The following FMR1 variants were observed in gnomAD, a reference collection of about 807,000 sequenced individuals.
FMR1 encodes the protein fragile X messenger ribonucleoprotein 1.
In FMR1, 13 loss-of-function variants were observed where a neutral mutation model predicts 50.6. The ratio of observed to expected loss-of-function variants is 0.26; its 90% CI spans 0.17 to 0.41. The LOEUF is 0.41. Ranked by LOEUF, FMR1 falls within the 10% of genes least tolerant of loss-of-function variation. The pLI is 1.00. For missense variants in FMR1, 316 were observed against 491.3 expected (o/e 0.64, Z 3.37); for synonymous variants, 138 against 164.1 (o/e 0.84, Z 1.22).
At position 147,945,500 on chromosome X, in the gene FMR1, G is replaced by A. The variant is rs781964867; in HGVS notation, c.1655-34G>A. ...ACTTCCAGTAAGCATTTCAGAATCA[G>A]TAACTGTTGAACCTTTTGAAAATAT... On this transcript the variant is annotated intron_variant, in intron 15 of 16. Coordinates refer to ENST00000370475, the MANE Select transcript of FMR1 (RefSeq NM_002024.6). The A allele has an allele frequency of 5.5e-6, 6 of 1,088,320 alleles. No homozygotes were observed. In the South Asian group the frequency reaches 1.1e-4, roughly 20 times the overall value. 89.7% of individuals were successfully genotyped at this position (1,088,320 alleles called of 1,213,427 possible).
intron 2 of FMR1, among the ~76,000 whole-genome samples, chrX:147,922,203 C>T (rs781849017): frequency 4.5e-5 from 5 of 111,611 alleles, no homozygotes; most frequent in Non-Finnish European, 9.4e-5. Context: ...GGTATTGATC[C>T]TTACGTCTTA....
chrX:147,944,153 C>T, intron 14 of FMR1: 10 of 754,251 alleles, frequency 1.3e-5, no homozygotes, highest in Non-Finnish European at 1.6e-5. Flanking sequence ...CCTCTCCCAA[C>T]AGTCTGTTCT....
chrX:147,929,474 A>G (rs1313815729), intron 5 of FMR1, among the ~76,000 whole-genome samples: 2 of 109,900 alleles, frequency 1.8e-5, no homozygotes, highest in Non-Finnish European at 3.8e-5. Flanking sequence ...ATCGTTTAGC[A>G]GTTTCTTACC....
At chrX:147,944,602 G>T in intron 14 of FMR1, 1 of 986,337 alleles carries the variant, frequency 1.0e-6, no homozygotes, top group Non-Finnish European at 1.3e-6. Context: ...GCACATCAAG[G>T]TTTGAACTTA....
Position 147,944,226 on chromosome X carries a change from G to A in FMR1, c.1472-643G>A, listed in dbSNP as rs375475058. The A allele has an allele frequency of 8.0e-6, 6 of 751,042 alleles. No homozygotes were observed. The South Asian group carries it at 2.0e-4, about 25-fold the overall frequency. The allele number at this position is 751,042 out of a possible 1,213,427, so 61.9% of individuals were successfully genotyped here. ...TTTCTCCGCTCCTGTCCTCTAAGTC[G>A]TTAACCCCTTCAGGCATAATGAATT... On this transcript the variant is annotated intron_variant, in intron 14 of 16. Coordinates refer to ENST00000370475, the MANE Select transcript of FMR1 (RefSeq NM_002024.6).
intron 1 of FMR1, among the ~76,000 whole-genome samples, chrX:147,919,717 C>T (rs2043062859): frequency 8.9e-6 from 1 of 111,987 alleles, no homozygotes; most frequent in Admixed American, 9.4e-5. Context: ...TTTAGCGTAG[C>T]TTTACTTTTA....
Position 147,930,017 on chromosome X carries a change from A to C in FMR1, c.489A>C (p.Pro163=). 1.7e-6 allele frequency: 2 copies of C among 1,205,941 alleles called. No homozygotes were observed. Among genetic ancestry groups the C allele is most frequent in the Non-Finnish European group, 1.1e-6 (1 of 890,194 alleles). ...GTGCCTTTTCTGTAACTTATGATCC[A>C]GAAAATTATCAGCTTGTCATTTTGG... The part of the protein sequence containing the change: ...AVGAFSVTYD[P]ENYQLVILSI... Residue 163 remains proline, a synonymous_variant, in exon 6 of 17, where the codon CCA becomes CCC. Transcript: ENST00000370475.
At chrX:147,947,568 G>C (rs1353954748) in intron 16 of FMR1, 1 of 109,882 alleles carries the variant, frequency 9.1e-6, no homozygotes, top group Non-Finnish European at 1.9e-5. Flanking sequence ...AAATTAGCCG[G>C]GCATGGTGGC....
chrX:147,942,516 G>A (rs1007410822), intron 13 of FMR1, among the ~76,000 whole-genome samples: 1 of 112,379 alleles, frequency 8.9e-6, no homozygotes, highest in Non-Finnish European at 1.9e-5. Flanking sequence ...GTAAGACCTA[G>A]CTGTCTGGTC....
At chrX:147,930,390 C>T in intron 7 of FMR1, 146 bp downstream of exon 7, 2 of 496,545 alleles carry the variant, frequency 4.0e-6, no homozygotes, top group Non-Finnish European at 7.2e-6. Flanking sequence ...TTGTACAAAG[C>T]ATAATCATAC....
intron 12 of FMR1, among the ~76,000 whole-genome samples, chrX:147,939,625 G>A (rs782127209): frequency 7.6e-4 from 84 of 110,124 alleles, no homozygotes; most frequent in Middle Eastern, 4.6e-3. Context: ...GGCCAGGCGC[G>A]ATGGCTCATG....
intron 13 of FMR1, 72 bp downstream of exon 13, chrX:147,940,734 A>G: frequency 2.9e-6 from 2 of 692,261 alleles, no homozygotes; most frequent in South Asian, 4.4e-5. Context: ...TAGATCTTTC[A>G]GCAGTTAGGA....
At chrX:147,915,597 A>T (rs1169752728) in intron 1 of FMR1, among the ~76,000 whole-genome samples, 1 of 110,942 alleles carries the variant, frequency 9.0e-6, no homozygotes, top group Non-Finnish European at 1.9e-5. Flanking sequence ...TATTCTCATA[A>T]CCTCCAAATT....
At position 147,939,212 on chromosome X, in the gene FMR1, A is replaced by G. The variant is rs140188147; in HGVS notation, c.1188+1051A>G. On this transcript the variant is annotated intron_variant, in intron 12 of 16. Coordinates refer to ENST00000370475, the MANE Select transcript of FMR1 (RefSeq NM_002024.6). The stretch of plus-strand genomic sequence containing the variant: ...GAATTGCCAGTTATTAATTTGCACA[A>G]TTGTTTCTAGGTTTCCCTATAACTT... 5.0e-3 allele frequency among the ~76,000 whole-genome samples: 557 copies of G among 111,267 alleles called. 1 individual carries two copies. The highest frequency in any genetic ancestry group is 8.6e-3 in the Non-Finnish European group (458 of 53,035).
chrX:147,915,092 G>A (rs192032354), intron 1 of FMR1, among the ~76,000 whole-genome samples: 12 of 111,467 alleles, frequency 1.1e-4, no homozygotes, highest in Non-Finnish European at 2.1e-4. Context: ...CTGATTCCTT[G>A]TTGTAATATG....
rs144395944 is a variant in FMR1 at position 147,918,747 on chromosome X, G to A, written c.52-3186G>A. ...AAGGCTGATATTATAGTGCTTTTATGATGAGTCTGAAAACAGTCTCCAACA... is the reference window on the plus strand; with the variant it reads ...AAGGCTGATATTATAGTGCTTTTATAATGAGTCTGAAAACAGTCTCCAACA... On this transcript the variant is annotated intron_variant, in intron 1 of 16. Coordinates refer to ENST00000370475, the MANE Select transcript of FMR1 (RefSeq NM_002024.6). Among the ~76,000 whole-genome samples the A allele has an allele frequency of 9.7e-3, 1,070 of 110,252 alleles. 12 individuals carry two copies. Among genetic ancestry groups the A allele is most frequent in the African/African-American group, 0.034 (1,020 of 30,126 alleles).
At chrX:147,930,636 A>C (rs2043558910) in intron 7 of FMR1, among the ~76,000 whole-genome samples, 1 of 111,755 alleles carries the variant, frequency 8.9e-6, no homozygotes, top group South Asian at 3.7e-4. Context: ...TCTTCATTCT[A>C]ATTGGTTGTC....
Position 147,929,856 on chromosome X carries a change from A to G in FMR1, c.420-92A>G, listed in dbSNP as rs782111442. 44 of 591,406 alleles carry G rather than the reference A, an allele frequency of 7.4e-5. No individual in the cohort carries two copies. In the African/African-American group the frequency reaches 9.0e-4, roughly 12 times the overall value. The allele number at this position is 591,406 out of a possible 1,213,427, so 48.7% of individuals were successfully genotyped here. A position where few individuals can be genotyped will look rare whatever the true frequency, so the allele number is the denominator to read the frequency against. On this transcript the variant is annotated intron_variant, in intron 5 of 16. Coordinates refer to ENST00000370475, the MANE Select transcript of FMR1 (RefSeq NM_002024.6). ...TTTGCATAAATCAAATTTAATATGA[A>G]TCCATGATTCTTGTATGTGTAAATC... is the stretch of plus-strand genomic sequence containing the variant.
chrX:147,924,573 A>C (rs941303781), intron 2 of FMR1, among the ~76,000 whole-genome samples: 28 of 103,536 alleles, frequency 2.7e-4, no homozygotes, highest in Middle Eastern at 4.9e-3. Context: ...GTGCAGTGGC[A>C]TGATCATGGC....
Sources: allele counts gnomAD v4.1 joint callset (sites outside exome capture counted in the v4.1 genomes callset), GRCh38; gene constraint gnomAD v4.1.1; transcripts MANE v1.5; gene names NCBI Gene and HGNC (gene_info 2026-07-23, HGNC 2026-07-21).